MRPL37: variants seen among roughly 807,000 people sequenced by gnomAD.
The protein encoded by MRPL37 is mitochondrial ribosomal protein L37.
A neutral mutation model predicts 44.1 loss-of-function variants in MRPL37; 34 were observed. The ratio of observed to expected loss-of-function variants is 0.77; its 90% confidence interval spans 0.59 to 1.03. MRPL37 has a LOEUF of 1.03. MRPL37 is among the 50% of genes least tolerant of loss of function. The pLI, the probability that MRPL37 is intolerant of heterozygous loss-of-function variation, is 0.00. For missense variants in MRPL37, 532 were observed against 543.7 expected (o/e 0.98, Z 0.21); for synonymous variants, 212 against 219.5 (o/e 0.97, Z 0.30).
intron 6 of MRPL37, among the ~76,000 whole-genome samples, chr1:54,217,160 C>G (rs1412660525): frequency 1.3e-5 from 2 of 152,214 alleles, no homozygotes; most frequent in Non-Finnish European, 2.9e-5. Flanking sequence ...CCAGGCCCCA[C>G]ACAGGCCTGA....
chr1:54,205,382 C>T lies in MRPL37; in HGVS notation c.618C>T (p.Asn206=). The part of the protein sequence containing the change: ...PSLARRICVQ[N]STFSATWNRE... ...TGGCCAGGAGGATCTGTGTCCAAAA[C>T]TCCACGTTTTCTGCTACCTGGAACC... The change falls in exon 3 of 7, where the codon AAC becomes AAT. Residue 206 remains asparagine, a synonymous_variant. Coordinates refer to ENST00000360840, the MANE Select transcript of MRPL37 (RefSeq NM_016491.4). The T allele has an allele frequency of 1.2e-6, 2 of 1,614,092 alleles. No individual in the cohort carries two copies. Among genetic ancestry groups the T allele is most frequent in the Non-Finnish European group, 1.7e-6 (2 of 1,179,988 alleles).
downstream of MRPL37, among the ~76,000 whole-genome samples, chr1:54,224,085 G>A (rs1406326790): frequency 6.6e-6 from 1 of 152,292 alleles, no homozygotes; most frequent in Non-Finnish European, 1.5e-5. Flanking sequence ...CATGGCTCTC[G>A]TCTGTGCCTG....
At chr1:54,202,585 C>G (rs566772055) in intron 1 of MRPL37, among the ~76,000 whole-genome samples, 44 of 152,216 alleles carry the variant, frequency 2.9e-4, no homozygotes, top group Non-Finnish European at 5.3e-4. Context: ...ACTGCAACCT[C>G]TACCTCCCAG....
intron 6 of MRPL37, among the ~76,000 whole-genome samples, chr1:54,217,525 G>A (rs1644206411): frequency 6.6e-6 from 1 of 152,156 alleles, no homozygotes; most frequent in Admixed American, 6.5e-5. Flanking sequence ...CATTCGCCCT[G>A]GGCTCCAGCC....
In MRPL37 at chr1:54,210,144, G is replaced by A. The variant is rs1644153879; in HGVS notation, c.832+13G>A. 1 of 1,610,954 alleles carries A rather than the reference G, an allele frequency of 6.2e-7. No individual in the cohort carries two copies. ...AAAAATGACACAGGTAAGGATCAATGTCTTGGACTTTTAGGCAGTGTGGAG... is the reference window on the plus strand; with the variant it reads ...AAAAATGACACAGGTAAGGATCAATATCTTGGACTTTTAGGCAGTGTGGAG... On this transcript the variant is annotated intron_variant, in intron 4 of 6. Coordinates refer to ENST00000360840, the MANE Select transcript of MRPL37 (RefSeq NM_016491.4).
In MRPL37 at chr1:54,205,325, G is replaced by A; in HGVS notation, c.561G>A (p.Leu187=). The change falls in exon 3 of 7, where the codon CTG becomes CTA. Residue 187 remains leucine (L), a synonymous_variant. Coordinates refer to ENST00000360840, the MANE Select transcript of MRPL37 (RefSeq NM_016491.4). ...CPVIVDNLIQ[L]CKSQILKHPS... ...TCATCGTGGACAACCTAATACAGCT[G>A]TGTAAATCTCAGATTCTCAAGCATC... 1.2e-6 allele frequency: 2 copies of A among 1,614,154 alleles called. No homozygotes were observed. Among genetic ancestry groups the A allele is most frequent in the Non-Finnish European group, 8.5e-7 (1 of 1,180,030 alleles).
At chr1:54,207,853 A>C (rs1644135333) in intron 3 of MRPL37, among the ~76,000 whole-genome samples, 1 of 152,230 alleles carries the variant, frequency 6.6e-6, no homozygotes, top group Non-Finnish European at 1.5e-5. Context: ...AATTAATGAC[A>C]GTGCTGTTGA....
At position 54,205,221 on chromosome 1, in the gene MRPL37, G is replaced by A; in HGVS notation, c.530+20G>A. 6.2e-7 allele frequency: 1 copy of A among 1,608,684 alleles called. No individual in the cohort carries two copies. The highest frequency in any genetic ancestry group is 1.1e-5 in the South Asian group (1 of 90,860). ...CTACTGGTAAGTTCCCCCAAGTAAA[G>A]AAGATTTCCTACTAATGGATCTTCG... On this transcript the variant is annotated intron_variant, in intron 2 of 6. Transcript: ENST00000360840.
At chr1:54,218,465 G>A, downstream of MRPL37, 1 of 1,152,604 alleles carries the variant, frequency 8.7e-7, no homozygotes, top group African/African-American at 1.6e-5. Context: ...CCCAGCTGAA[G>A]CCCAGCTCTG....
downstream of MRPL37, among the ~76,000 whole-genome samples, chr1:54,221,926 C>CCTGGGGTA (rs1491070025): frequency 1.3e-5 from 2 of 152,290 alleles, no homozygotes; most frequent in East Asian, 3.9e-4. Flanking sequence ...TCTGGGAGCT[C>CCTGGGGTA]CTGGGGTACT....
chr1:54,220,015 C>T (rs1383618032), downstream of MRPL37, among the ~76,000 whole-genome samples: 1 of 152,078 alleles, frequency 6.6e-6, no homozygotes, highest in African/African-American at 2.4e-5. Context: ...GTTTTGCCAG[C>T]AGAGCCATTG....
At chr1:54,222,497 C>T (rs192727944), downstream of MRPL37, among the ~76,000 whole-genome samples, 43 of 152,264 alleles carry the variant, frequency 2.8e-4, no homozygotes, top group East Asian at 3.9e-3. Context: ...CCCAGAGTCA[C>T]GGTGGGCGTG....
chr1:54,222,170 G>T (rs1201603423), downstream of MRPL37, among the ~76,000 whole-genome samples: 1 of 152,194 alleles, frequency 6.6e-6, no homozygotes, highest in Admixed American at 6.5e-5. Flanking sequence ...GGACGAAGAG[G>T]GCTCTTACAT....
downstream of MRPL37, chr1:54,220,502 C>T (rs1024249905): frequency 7.9e-6 from 3 of 378,386 alleles, no homozygotes; most frequent in South Asian, 2.0e-5. Context: ...GCAGGACTGG[C>T]GGTTTTTTTT....
At chr1:54,209,649 C>T (rs904189761) in intron 3 of MRPL37, among the ~76,000 whole-genome samples, 7 of 151,940 alleles carry the variant, frequency 4.6e-5, no homozygotes, top group Non-Finnish European at 7.4e-5. Context: ...TTAGTAGAGA[C>T]TGGGTTTCAC....
At chr1:54,225,375 T>C (rs1644270305), downstream of MRPL37, 2 of 1,233,958 alleles carry the variant, frequency 1.6e-6, no homozygotes, top group African/African-American at 1.6e-5. Context: ...TCACCTTGCA[T>C]TTTGTAATCA....
At chr1:54,211,617 T>C (rs1644165895) in intron 4 of MRPL37, among the ~76,000 whole-genome samples, 1 of 152,082 alleles carries the variant, frequency 6.6e-6, no homozygotes, top group African/African-American at 2.4e-5. Flanking sequence ...CTCAGCCTCC[T>C]GAGTAGCCGG....
intron 1 of MRPL37, among the ~76,000 whole-genome samples, chr1:54,203,751 C>T (rs1644102294): frequency 6.6e-6 from 1 of 152,054 alleles, no homozygotes. Flanking sequence ...GCTGGGATTA[C>T]AGGCATGAGC....
Position 54,205,437 on chromosome 1 carries a change from C to G in MRPL37, c.646+27C>G, listed in dbSNP as rs368990650. 125 of 1,588,184 alleles carry G rather than the reference C, an allele frequency of 7.9e-5. No homozygotes were observed. In the African/African-American group the frequency reaches 1.6e-3, roughly 21 times the overall value. On this transcript the variant is annotated intron_variant, in intron 3 of 6. Coordinates refer to ENST00000360840, the MANE Select transcript of MRPL37 (RefSeq NM_016491.4). ...TTGGTCATCTTGTACACCAGAAAGC[C>G]TTGGTCTGTTTTTTTTGCCTTTCTA...
Sources: gnomAD v4.1 joint callset for allele counts (sites outside exome capture counted in the v4.1 genomes callset) on GRCh38, gnomAD v4.1.1 for gene constraint, MANE v1.5 for transcripts, NCBI Gene and HGNC (gene_info 2026-07-23, HGNC 2026-07-21) for gene names.